The following C16orf96 variants were observed in gnomAD, a reference collection of about 807,000 sequenced individuals.
C16orf96 encodes uncharacterized protein C16orf96.
Under a neutral mutation model 103.6 loss-of-function variants are expected in C16orf96, and 108 were observed. The observed-to-expected ratio is 1.04, with a 90% CI of 0.89 to 1.22. The LOEUF (loss-of-function observed/expected upper bound fraction) is 1.22, where lower values mean the gene tolerates loss of function less well. Among genes scored for constraint, C16orf96 ranks in the 50% most tolerant of loss-of-function variants. The probability of loss-of-function intolerance (pLI) is 0.00; values close to 1 mark genes in which losing one functional copy is unlikely to be tolerated. For missense variants in C16orf96, 1,586 were observed against 1,464.2 expected (o/e 1.08, Z -1.36); for synonymous variants, 566 against 593.5 (o/e 0.95, Z 0.67).
the C16orf96 span, among the ~76,000 whole-genome samples, chr16:4,545,744 T>C: frequency 6.6e-6 from 1 of 152,236 alleles, no homozygotes; most frequent in Admixed American, 6.5e-5. Flanking sequence ...TATTCGGAGT[T>C]GAGCCTATTT....
chr16:4,582,265 A>G (rs2059597390), intron 7 of C16orf96, among the ~76,000 whole-genome samples: 1 of 151,716 alleles, frequency 6.6e-6, no homozygotes, highest in Non-Finnish European at 1.5e-5. Context: ...CTGGGCGACA[A>G]GAGCAAGACT....
chr16:4,574,282 G>T (rs1242002136), intron 2 of C16orf96, among the ~76,000 whole-genome samples: 3 of 152,102 alleles, frequency 2.0e-5, no homozygotes, highest in South Asian at 2.1e-4. Context: ...GAGTGCAGTG[G>T]CGCCATCTCA....
chr16:4,577,139 C>T (rs2059521468), intron 5 of C16orf96, among the ~76,000 whole-genome samples: 1 of 151,874 alleles, frequency 6.6e-6, no homozygotes, highest in South Asian at 2.1e-4. Context: ...TGCGGTGAGC[C>T]AAGATCATGC....
chr16:4,600,272 G>C lies in C16orf96; in HGVS notation c.3381G>C (p.Glu1127Asp). 2.6e-6 allele frequency: 4 copies of C among 1,551,334 alleles called. No homozygotes were observed. Among genetic ancestry groups the C allele is most frequent in the Non-Finnish European group, 2.6e-6 (3 of 1,146,936 alleles). Residue 1127 changes from glutamate to aspartate, a missense_variant, in exon 16 of 16, where the codon GAG becomes GAC. Physicochemically the swap from Glu to Asp is conservative, Grantham distance 45. Coordinates refer to ENST00000444310, the MANE Select transcript of C16orf96 (RefSeq NM_001145011.2). Reference protein sequence around the residue: ...STRLSRAPHIESRVGRKPPEE... With the variant: ...STRLSRAPHIDSRVGRKPPEE... ...GGCTCTCAAGAGCTCCACACATTGA[G>C]TCCCGAGTCGGCAGGAAGCCCCCCG...
chr16:4,581,991 C>A (rs1215067178), intron 7 of C16orf96, among the ~76,000 whole-genome samples: 1 of 151,656 alleles, frequency 6.6e-6, no homozygotes, highest in Non-Finnish European at 1.5e-5. Context: ...AAGCAAAAAA[C>A]TCACTAACGG....
At chr16:4,542,579 C>T in the C16orf96 span, among the ~76,000 whole-genome samples, 23 of 152,112 alleles carry the variant, frequency 1.5e-4, no homozygotes, top group African/African-American at 5.5e-4. Context: ...GGCAGATCAC[C>T]TGAGGTCAGG....
intron 5 of C16orf96, among the ~76,000 whole-genome samples, chr16:4,577,666 T>A (rs1259980367): frequency 1.3e-5 from 2 of 151,138 alleles, no homozygotes. Flanking sequence ...AAAAAAATTT[T>A]AAACATTGGC....
intron 7 of C16orf96, among the ~76,000 whole-genome samples, chr16:4,584,584 G>T (rs2141742528): frequency 6.6e-6 from 1 of 151,948 alleles, no homozygotes; most frequent in East Asian, 1.9e-4. Context: ...GCCCAGGCTG[G>T]AGTGCAATGG....
the C16orf96 span, among the ~76,000 whole-genome samples, chr16:4,547,901 G>A: frequency 6.6e-6 from 1 of 150,844 alleles, no homozygotes; most frequent in African/African-American, 2.5e-5. Context: ...CAGCTTCCTG[G>A]GTAGCTGAGA....
intron 1 of C16orf96, among the ~76,000 whole-genome samples, chr16:4,569,939 C>T (rs948803342): frequency 5.3e-5 from 8 of 152,100 alleles, no homozygotes; most frequent in Admixed American, 4.6e-4. Context: ...TACTTCTTCC[C>T]AGGAAGGTGC....
chr16:4,558,307 C>G (rs909187701), intron 1 of C16orf96, among the ~76,000 whole-genome samples: 1 of 152,104 alleles, frequency 6.6e-6, no homozygotes, highest in Non-Finnish European at 1.5e-5. Flanking sequence ...TACTGGCAGC[C>G]CAAGAAGAAA....
chr16:4,576,404 T>C lies in C16orf96; in HGVS notation c.1924T>C (p.Ser642Pro), dbSNP rs2059510167. 1 of 1,550,960 alleles carries C rather than the reference T, an allele frequency of 6.4e-7. No homozygotes were observed. The highest frequency in any genetic ancestry group is 1.4e-5 in the African/African-American group (1 of 73,034). The change falls in exon 5 of 16, where the codon TCC becomes CCC. Residue 642 changes from serine (S) to proline (P), a missense_variant. By Grantham distance (74) the Ser-to-Pro change is moderately conservative. Transcript: ENST00000444310. ...ATESQILGDD[S>P]EIYEILSPSY... ...AGAATCCCAGATCTTGGGCGATGAT[T>C]CCGAAATCTACGAAATCCTCTCTCC... is the stretch of plus-strand genomic sequence containing the variant.
Position 4,575,449 on chromosome 16 carries a change from A to C in C16orf96, c.969A>C (p.Glu323Asp). ...AGTCTGCACCTGGGTGCACAACTGA[A>C]TTTGCACCTGGGCCTGCACCTGGGA... ...TPESAPGCTTEFAPGPAPGTE... is the reference protein window; with the variant it reads ...TPESAPGCTTDFAPGPAPGTE... The change falls in exon 5 of 16, where the codon GAA (glutamate) becomes GAC (aspartate). Residue 323 changes from glutamate (E) to aspartate (D), a missense_variant. By Grantham distance (45) the Glu-to-Asp change is conservative. Coordinates refer to ENST00000444310, the MANE Select transcript of C16orf96 (RefSeq NM_001145011.2). 1 of 1,548,984 alleles carries C rather than the reference A, an allele frequency of 6.5e-7. No homozygotes were observed. Among genetic ancestry groups the C allele is most frequent in the Non-Finnish European group, 8.7e-7 (1 of 1,146,926 alleles).
At chr16:4,594,003 G>A (rs1294476531) in intron 12 of C16orf96, among the ~76,000 whole-genome samples, 3 of 152,140 alleles carry the variant, frequency 2.0e-5, no homozygotes, top group Non-Finnish European at 4.4e-5. Context: ...CCGGTGAATC[G>A]TCACCACAGC....
In C16orf96 at chr16:4,564,736, G is replaced by A. The variant is rs570214294; in HGVS notation, c.421-6825G>A. Among the ~76,000 whole-genome samples the A allele has an allele frequency of 9.2e-5, 14 of 152,278 alleles. No homozygotes were observed. In the East Asian group the frequency reaches 2.1e-3, roughly 23 times the overall value. On this transcript the variant is annotated intron_variant, in intron 1 of 15. Transcript: ENST00000444310. ...TGAGGCACGAGAATCGCTTGAACCC[G>A]AGAGGTGGAGATTTCAGTGAACCGA...
chr16:4,552,846 TA>T (rs1261997264), upstream of C16orf96, among the ~76,000 whole-genome samples: 9 of 152,216 alleles, frequency 5.9e-5, no homozygotes, highest in Admixed American at 4.6e-4. Context: ...ACTTCACATT[TA>T]AATGCTAAAT....
the C16orf96 span, among the ~76,000 whole-genome samples, chr16:4,550,627 G>A: frequency 7.2e-5 from 11 of 152,242 alleles, no homozygotes; most frequent in South Asian, 1.9e-3. Context: ...TCTCAACAAG[G>A]AACCTGCAAA....
At chr16:4,547,689 C>CTTCCTTCCTTCCTTCCTTCT in the C16orf96 span, among the ~76,000 whole-genome samples, 88 of 22,544 alleles carry the variant, frequency 3.9e-3, no homozygotes, top group African/African-American at 8.6e-3. Context: ...TCCTTCCTTC[C>CTTCCTTCCTTCCTTCCTTCT]TTCTTTCTTT....
chr16:4,575,689 C>G lies in C16orf96; in HGVS notation c.1209C>G (p.Gly403=). 1 of 1,534,478 alleles carries G rather than the reference C, an allele frequency of 6.5e-7. No individual in the cohort carries two copies. The highest frequency in any genetic ancestry group is 1.2e-5 in the South Asian group (1 of 81,462). The change falls in exon 5 of 16, where the codon GGC becomes GGG. Residue 403 remains glycine (G), a synonymous_variant. Coordinates refer to ENST00000444310, the MANE Select transcript of C16orf96 (RefSeq NM_001145011.2). The part of the protein sequence containing the change: ...WPLPQGWPRV[G]SWPLWDLGVL... The stretch of plus-strand genomic sequence containing the variant: ...TTCCCCAAGGCTGGCCCAGGGTGGG[C>G]TCTTGGCCTCTGTGGGACTTAGGTG...
Sources: gnomAD v4.1 joint callset for allele counts (sites outside exome capture counted in the v4.1 genomes callset) on GRCh38, gnomAD v4.1.1 for gene constraint, MANE v1.5 for transcripts, NCBI Gene and HGNC (gene_info 2026-07-23, HGNC 2026-07-21) for gene names.